Variants in VDAC1 observed in about 807,000 individuals in gnomAD.
VDAC1 encodes non-selective voltage-gated ion channel VDAC1.
A neutral mutation model predicts 34.7 loss-of-function variants in VDAC1; 10 were observed. That is an observed-to-expected ratio of 0.29 (90% CI 0.18 to 0.49). VDAC1 has a LOEUF of 0.49. Ranked by LOEUF, VDAC1 falls within the 20% of genes least tolerant of loss-of-function variation. The pLI is 0.99. For missense variants in VDAC1, 230 were observed against 347.9 expected (o/e 0.66, Z 2.69); for synonymous variants, 130 against 136.0 (o/e 0.96, Z 0.30).
chr5:133,992,168 G>A, intron 3 of VDAC1, 138 bp downstream of exon 3: 4 of 489,926 alleles, frequency 8.2e-6, no homozygotes, highest in Non-Finnish European at 9.4e-6. Flanking sequence ...CCCAAGAAGT[G>A]GAGGTTGTGG....
chr5:134,110,250 TTAAG>T, the VDAC1 span, among the ~76,000 whole-genome samples: 1 of 152,214 alleles, frequency 6.6e-6, no homozygotes, highest in Non-Finnish European at 1.5e-5. Context: ...AATTTTGTTA[TTAAG>T]TCTTTATTTT....
chr5:133,986,727 C>A (rs905827154), intron 5 of VDAC1, among the ~76,000 whole-genome samples: 1 of 152,116 alleles, frequency 6.6e-6, no homozygotes, highest in Non-Finnish European at 1.5e-5. Context: ...ACATAAAGAA[C>A]CAAGGCTCCT....
At chr5:134,065,029 T>G in the VDAC1 span, among the ~76,000 whole-genome samples, 1 of 152,174 alleles carries the variant, frequency 6.6e-6, no homozygotes, top group Non-Finnish European at 1.5e-5. Context: ...CTTAGTTTCC[T>G]TTTTTATTTC....
chr5:134,083,176 TTTTC>T, the VDAC1 span, among the ~76,000 whole-genome samples: 1 of 149,576 alleles, frequency 6.7e-6, no homozygotes, highest in African/African-American at 2.5e-5. Flanking sequence ...GTGCTTTTCT[TTTTC>T]TTTTTTTTTC....
chr5:133,992,403 C>T, intron 2 of VDAC1, 48 bp from the exon 3 acceptor site: 1 of 1,453,318 alleles, frequency 6.9e-7, no homozygotes, highest in Admixed American at 2.2e-5. Context: ...AACTAGAGAA[C>T]AGCACCTCTG....
At chr5:134,079,321 C>T in the VDAC1 span, among the ~76,000 whole-genome samples, 8 of 152,204 alleles carry the variant, frequency 5.3e-5, no homozygotes, top group Admixed American at 5.2e-4. Context: ...CTGTGTGGCC[C>T]ATACGTGGAA....
intron 5 of VDAC1, among the ~76,000 whole-genome samples, chr5:133,983,735 T>TC (rs1752790222): frequency 6.6e-6 from 1 of 152,094 alleles, no homozygotes; most frequent in Non-Finnish European, 1.5e-5. Flanking sequence ...CTTCTGAATC[T>TC]CATGTTGAAA....
the VDAC1 span, among the ~76,000 whole-genome samples, chr5:134,032,816 G>C: frequency 6.6e-6 from 1 of 152,290 alleles, no homozygotes; most frequent in South Asian, 2.1e-4. Flanking sequence ...AGGATCACTT[G>C]AGGCCAGGAG....
chr5:133,990,143 T>C (rs1379982601), intron 5 of VDAC1, among the ~76,000 whole-genome samples: 1 of 152,232 alleles, frequency 6.6e-6, no homozygotes, highest in Non-Finnish European at 1.5e-5. Context: ...CAGACTACCA[T>C]GCTATCATGC....
chr5:134,006,419 C>T (rs1753751558), upstream of VDAC1, among the ~76,000 whole-genome samples: 1 of 152,138 alleles, frequency 6.6e-6, no homozygotes, highest in Admixed American at 6.5e-5. Flanking sequence ...GCTTCCTCCC[C>T]TCCAGCGCCA....
chr5:134,057,121 C>T, the VDAC1 span, among the ~76,000 whole-genome samples: 2 of 152,046 alleles, frequency 1.3e-5, no homozygotes, highest in East Asian at 3.9e-4. Context: ...GATCACCTGA[C>T]ATCAGGAGTT....
chr5:133,975,741 G>A (rs1237889883), intron 7 of VDAC1, 130 bp downstream of exon 7: 9 of 1,421,694 alleles, frequency 6.3e-6, no homozygotes, highest in Middle Eastern at 5.3e-4. Context: ...TTACAGGCGT[G>A]AGTCACGGCG....
chr5:133,996,678 GC>G (rs1381445633), intron 1 of VDAC1, among the ~76,000 whole-genome samples: 2 of 151,672 alleles, frequency 1.3e-5, no homozygotes, highest in East Asian at 3.9e-4. Flanking sequence ...AAGATGCTAA[GC>G]CCTGGCACAT....
chr5:134,067,688 G>A, the VDAC1 span, among the ~76,000 whole-genome samples: 1 of 141,536 alleles, frequency 7.1e-6, no homozygotes, highest in Admixed American at 7.1e-5. Context: ...AGGAGAGGGG[G>A]AGGGAGAGGG....
chr5:134,104,186 A>T, the VDAC1 span, among the ~76,000 whole-genome samples: 1 of 152,222 alleles, frequency 6.6e-6, no homozygotes, highest in Non-Finnish European at 1.5e-5. Context: ...AACCAGTCCT[A>T]CAATGAATCA....
chr5:134,095,806 C>T, the VDAC1 span, among the ~76,000 whole-genome samples: 1 of 152,218 alleles, frequency 6.6e-6, no homozygotes, highest in Non-Finnish European at 1.5e-5. Flanking sequence ...GTTCCTCGGT[C>T]ACACCAGCCC....
chr5:134,019,887 C>G, the VDAC1 span, among the ~76,000 whole-genome samples: 4 of 152,184 alleles, frequency 2.6e-5, no homozygotes, highest in Non-Finnish European at 5.9e-5. Context: ...CTCACTGGCC[C>G]CACACCAACA....
chr5:134,048,520 G>A, the VDAC1 span, among the ~76,000 whole-genome samples: 4 of 151,988 alleles, frequency 2.6e-5, no homozygotes, highest in African/African-American at 4.8e-5. Context: ...TAATCCACCC[G>A]CCTCAGCCTC....
At chr5:134,035,202 G>C in the VDAC1 span, among the ~76,000 whole-genome samples, 1 of 152,142 alleles carries the variant, frequency 6.6e-6, no homozygotes. Context: ...TGGGAATTAA[G>C]GATGTGCTAA....
Sources: gnomAD v4.1 joint callset for allele counts (sites outside exome capture counted in the v4.1 genomes callset) on GRCh38, gnomAD v4.1.1 for gene constraint, MANE v1.5 for transcripts, NCBI Gene and HGNC (gene_info 2026-07-23, HGNC 2026-07-21) for gene names.